The following CSMD3 variants were observed in gnomAD, a reference collection of about 807,000 sequenced individuals.
The protein encoded by CSMD3 is CUB and sushi domain-containing protein 3.
A neutral mutation model predicts 435.2 loss-of-function variants in CSMD3; 177 were observed. That is an observed-to-expected ratio of 0.41 (90% CI 0.36 to 0.46). The LOEUF is 0.46. Ranked by LOEUF, CSMD3 falls within the 20% of genes least tolerant of loss-of-function variation. The pLI, the probability that CSMD3 is intolerant of heterozygous loss-of-function variation, is 0.34. For synonymous variants in CSMD3, 1,656 were observed against 1,520.5 expected, an observed-to-expected ratio of 1.09 and a Z score of -2.07; for missense variants, 4,265 against 4,504.6, an observed-to-expected ratio of 0.95 and a Z score of 1.52.
At chr8:112,740,691 G>C (rs1468243192) in intron 13 of CSMD3, among the ~76,000 whole-genome samples, 2 of 151,888 alleles carry the variant, frequency 1.3e-5, no homozygotes, top group African/African-American at 4.8e-5. Flanking sequence ...AGAAAGAAAA[G>C]TTTGGTGAAG....
At chr8:112,703,762 A>G (rs1433244876) in intron 13 of CSMD3, among the ~76,000 whole-genome samples, 1 of 152,130 alleles carries the variant, frequency 6.6e-6, no homozygotes, top group Non-Finnish European at 1.5e-5. Context: ...AGAATCATGC[A>G]GCTAGAAAAG....
intron 4 of CSMD3, among the ~76,000 whole-genome samples, chr8:113,109,929 G>A (rs943457963): frequency 6.6e-6 from 1 of 152,036 alleles, no homozygotes; most frequent in Admixed American, 6.6e-5. Context: ...TGTCGTTCTA[G>A]GACCCACCAA....
chr8:112,355,845 G>A (rs7838852), intron 38 of CSMD3, among the ~76,000 whole-genome samples: 64,864 of 151,066 alleles, frequency 0.43, 14,561 homozygotes, highest in Middle Eastern at 0.54. Flanking sequence ...AAAATAAATA[G>A]ATAAAAAATA....
intron 53 of CSMD3, among the ~76,000 whole-genome samples, chr8:112,300,759 G>A (rs893165545): frequency 1.3e-5 from 2 of 152,092 alleles, no homozygotes; most frequent in African/African-American, 4.8e-5. Context: ...TAACAAATGT[G>A]CCTGAGAAGG....
At chr8:112,809,672 C>T (rs1684783542) in intron 12 of CSMD3, among the ~76,000 whole-genome samples, 1 of 152,068 alleles carries the variant, frequency 6.6e-6, no homozygotes. Context: ...GAATTGGACT[C>T]CCAGTGATTA....
chr8:112,307,744 CT>C (rs1408313464), intron 50 of CSMD3, among the ~76,000 whole-genome samples: 1 of 152,130 alleles, frequency 6.6e-6, no homozygotes, highest in Non-Finnish European at 1.5e-5. Context: ...GAGAAAGCTT[CT>C]GTATTATGAA....
intron 4 of CSMD3, among the ~76,000 whole-genome samples, chr8:113,162,772 T>A (rs142342525): frequency 6.6e-6 from 1 of 151,992 alleles, no homozygotes; most frequent in East Asian, 1.9e-4. Flanking sequence ...ATACATAGAA[T>A]AGTTCAAAAA....
At chr8:112,482,911 C>T (rs990924928) in intron 31 of CSMD3, among the ~76,000 whole-genome samples, 1 of 152,042 alleles carries the variant, frequency 6.6e-6, no homozygotes, top group African/African-American at 2.4e-5. Flanking sequence ...TTTTGTATGG[C>T]TATTTGATTA....
At chr8:113,257,972 T>G (rs530345569) in intron 3 of CSMD3, among the ~76,000 whole-genome samples, 2 of 152,208 alleles carry the variant, frequency 1.3e-5, no homozygotes, top group Admixed American at 6.5e-5. Context: ...ATGAAAACTC[T>G]GAATGCAGCT....
intron 10 of CSMD3, among the ~76,000 whole-genome samples, chr8:112,883,599 C>G (rs3950980): frequency 0.75 from 113,811 of 151,812 alleles, 43,456 homozygotes; most frequent in East Asian, 0.93. Flanking sequence ...AAAAATTGTA[C>G]AGAGAGTTCC....
intron 27 of CSMD3, among the ~76,000 whole-genome samples, chr8:112,532,425 A>G (rs1418995381): frequency 6.6e-6 from 1 of 152,136 alleles, no homozygotes; most frequent in African/African-American, 2.4e-5. Context: ...TAATAATCAA[A>G]CTCTCAAATG....
chr8:112,859,169 G>A lies in CSMD3; in HGVS notation c.1731C>T (p.Val577=), dbSNP rs2129857272. The part of the protein sequence containing the change: ...QYDSNAQCVW[V]ITAVNTNKVI... ...CCTTATTTGTATTCACTGCTGTGAT[G>A]ACCCAGACACATTGTGCATTGCTGT... is the stretch of plus-strand genomic sequence containing the variant. Residue 577 remains valine, a synonymous_variant, in exon 11 of 71, where the codon GTC becomes GTT. Transcript: ENST00000297405. 6.2e-7 allele frequency: 1 copy of A among 1,610,724 alleles called. No individual in the cohort carries two copies. The highest frequency in any genetic ancestry group is 8.5e-7 in the Non-Finnish European group (1 of 1,177,444).
At chr8:112,805,503 A>C (rs1234185689) in intron 12 of CSMD3, among the ~76,000 whole-genome samples, 1 of 152,242 alleles carries the variant, frequency 6.6e-6, no homozygotes, top group Non-Finnish European at 1.5e-5. Flanking sequence ...TAATTTTATA[A>C]AGACACTCAC....
chr8:112,833,333 T>A (rs1365114430), intron 11 of CSMD3, among the ~76,000 whole-genome samples: 1 of 151,936 alleles, frequency 6.6e-6, no homozygotes, highest in Admixed American at 6.6e-5. Flanking sequence ...ATTTTAATAA[T>A]TTTTTTAGTA....
chr8:112,392,691 A>C (rs1301919160), intron 35 of CSMD3, among the ~76,000 whole-genome samples: 1 of 151,788 alleles, frequency 6.6e-6, no homozygotes, highest in Non-Finnish European at 1.5e-5. Flanking sequence ...TACTACATTA[A>C]TCAAATAAGT....
intron 1 of CSMD3, among the ~76,000 whole-genome samples, chr8:113,399,106 T>TATATATATATATATATAC (rs773585004): frequency 1.1e-4 from 10 of 95,056 alleles, no homozygotes; most frequent in African/African-American, 3.2e-4. Flanking sequence ...TATATATATA[T>TATATATATATATATATAC]ACACACACAC....
intron 22 of CSMD3, among the ~76,000 whole-genome samples, chr8:112,593,820 G>A (rs767416300): frequency 2.4e-4 from 36 of 152,106 alleles, no homozygotes; most frequent in Non-Finnish European, 4.4e-4. Context: ...ATTGATTTGG[G>A]CAATTAAGAG....
At chr8:112,548,377 C>T (rs1563688540) in intron 27 of CSMD3, among the ~76,000 whole-genome samples, 2 of 152,072 alleles carry the variant, frequency 1.3e-5, no homozygotes, top group Non-Finnish European at 2.9e-5. Flanking sequence ...TAACTGAAAG[C>T]TTTCTATTCC....
At chr8:113,113,807 T>A (rs1290194176) in intron 4 of CSMD3, among the ~76,000 whole-genome samples, 1 of 152,206 alleles carries the variant, frequency 6.6e-6, no homozygotes, top group East Asian at 1.9e-4. Context: ...CTAAAATTCA[T>A]GAAATCAATT....
Sources: allele counts gnomAD v4.1 joint callset (sites outside exome capture counted in the v4.1 genomes callset), GRCh38; gene constraint gnomAD v4.1.1; transcripts MANE v1.5; gene names NCBI Gene and HGNC (gene_info 2026-07-23, HGNC 2026-07-21).